The following ABCA13 variants were observed in gnomAD, a reference collection of about 807,000 sequenced individuals.
The protein encoded by ABCA13 is ATP binding cassette subfamily A member 13, also known as ATP-binding cassette sub-family A member 13.
ABCA13 carries 476 observed loss-of-function variants against 478.7 expected under a neutral mutation model. The observed-to-expected ratio is 0.99, with a 90% CI of 0.92 to 1.07. The LOEUF (loss-of-function observed/expected upper bound fraction) is 1.07. ABCA13 is among the 50% of genes least tolerant of loss of function. ABCA13 has a pLI of 0.00. For missense variants in ABCA13, 6,060 were observed against 5,910.6 expected (o/e 1.03, Z -0.83); for synonymous variants, 2,252 against 2,158.9 (o/e 1.04, Z -1.20).
At chr7:48,469,747 C>T (rs138969404) in intron 44 of ABCA13, among the ~76,000 whole-genome samples, 146 of 152,076 alleles carry the variant, frequency 9.6e-4, no homozygotes, top group Middle Eastern at 6.8e-3. Flanking sequence ...GGTGAAACCC[C>T]GTCTCTACTA....
chr7:48,327,417 T>A (rs561579746), intron 27 of ABCA13, among the ~76,000 whole-genome samples: 4 of 152,254 alleles, frequency 2.6e-5, no homozygotes, highest in Non-Finnish European at 4.4e-5. Context: ...GGAAGTACAA[T>A]TCAAGATGAG....
At chr7:48,266,464 AGTT>A (rs1342201888) in intron 15 of ABCA13, among the ~76,000 whole-genome samples, 1 of 151,754 alleles carries the variant, frequency 6.6e-6, no homozygotes, top group Non-Finnish European at 1.5e-5. Flanking sequence ...GGGCCACTCA[AGTT>A]GTTCAATTTA....
intron 7 of ABCA13, among the ~76,000 whole-genome samples, chr7:48,230,885 G>A (rs1788966365): frequency 6.6e-6 from 1 of 152,068 alleles, no homozygotes; most frequent in Non-Finnish European, 1.5e-5. Context: ...TAAACAACGA[G>A]CACTTCCTAT....
At chr7:48,593,166 C>T (rs1250856267) in intron 57 of ABCA13, among the ~76,000 whole-genome samples, 1 of 147,428 alleles carries the variant, frequency 6.8e-6, no homozygotes, top group Non-Finnish European at 1.5e-5. Context: ...TCTATTACTG[C>T]TTTTCTTTTA....
intron 3 of ABCA13, among the ~76,000 whole-genome samples, chr7:48,202,333 C>T (rs980260882): frequency 2.0e-5 from 3 of 152,150 alleles, no homozygotes; most frequent in Non-Finnish European, 2.9e-5. Context: ...ACGTCCCCAT[C>T]AGATTAGTTA....
At chr7:48,574,037 A>T (rs934527951) in intron 55 of ABCA13, among the ~76,000 whole-genome samples, 5 of 151,690 alleles carry the variant, frequency 3.3e-5, no homozygotes, top group African/African-American at 9.7e-5. Flanking sequence ...TTTGGATTTG[A>T]TTTTCTCTGT....
intron 2 of ABCA13, among the ~76,000 whole-genome samples, chr7:48,197,621 T>A (rs988472848): frequency 1.3e-5 from 2 of 151,024 alleles, no homozygotes; most frequent in African/African-American, 2.4e-5. Context: ...GCCATCAGCA[T>A]CCTCACCACT....
chr7:48,505,892 T>A (rs1325772383), intron 48 of ABCA13, among the ~76,000 whole-genome samples: 1 of 152,214 alleles, frequency 6.6e-6, no homozygotes, highest in Non-Finnish European at 1.5e-5. Flanking sequence ...AAACCAAAAT[T>A]GGTTCAGTGA....
intron 57 of ABCA13, among the ~76,000 whole-genome samples, chr7:48,593,699 T>A (rs1789995048): frequency 6.6e-6 from 1 of 151,584 alleles, no homozygotes; most frequent in Non-Finnish European, 1.5e-5. Context: ...ATTGTGTCAA[T>A]GAACTCTTTC....
In ABCA13 at chr7:48,227,292, T is replaced by C. The variant is rs765432200; in HGVS notation, c.499T>C (p.Leu167=). The change falls in exon 6 of 62, where the codon TTG becomes CTG. Residue 167 remains leucine, a synonymous_variant. Coordinates refer to ENST00000435803, the MANE Select transcript of ABCA13 (RefSeq NM_152701.5). The part of the protein sequence containing the change: ...MDLNKTEEVI[L]KLESLHQQPH... Reference sequence around the variant, plus strand: ...TCTCAATAAGACCGAGGAGGTAATATTGAAACTGGAAAGCCTCCATCAGCA... The same window carrying C: ...TCTCAATAAGACCGAGGAGGTAATACTGAAACTGGAAAGCCTCCATCAGCA... 13 of 1,613,724 alleles carry C rather than the reference T, an allele frequency of 8.1e-6. No individual in the cohort carries two copies. Among genetic ancestry groups the C allele is most frequent in the Admixed American group, 1.7e-5 (1 of 59,988 alleles).
intron 47 of ABCA13, among the ~76,000 whole-genome samples, chr7:48,486,630 G>A (rs968570135): frequency 6.6e-6 from 1 of 152,008 alleles, no homozygotes; most frequent in African/African-American, 2.4e-5. Context: ...CACTATATTG[G>A]TACTCTATTG....
rs368334771 is a variant in ABCA13, at chr7:48,310,032, A to C, written c.9407A>C (p.Glu3136Ala). 1.2e-6 allele frequency: 2 copies of C among 1,613,834 alleles called. No individual in the cohort carries two copies. The highest frequency in any genetic ancestry group is 1.7e-6 in the Non-Finnish European group (2 of 1,179,854). ...CTCCTGCTGACATTTCCCAAAGGGG[A>C]AAAATCTTGGATCGCAGCGGAGGAA... ...LHLLLTFPKG[E>A]KSWIAAEELC... Residue 3136 changes from glutamate (E) to alanine (A), a missense_variant, in exon 24 of 62, where the codon GAA (glutamate) becomes GCA (alanine). By Grantham distance (107) the Glu-to-Ala change is moderately radical. Around this residue, in one of 3 missense-constraint regions of ABCA13, gnomAD observed 4,423 missense variants for 4,309.1 expected, o/e 1.03. Transcript: ENST00000435803.
chr7:48,537,785 C>T (rs886330287), intron 55 of ABCA13, among the ~76,000 whole-genome samples: 1 of 151,966 alleles, frequency 6.6e-6, no homozygotes, highest in Non-Finnish European at 1.5e-5. Context: ...TCAGGAGTGA[C>T]TCAGGATGGA....
At chr7:48,513,412 C>T (rs1432943189) in intron 51 of ABCA13, among the ~76,000 whole-genome samples, 2 of 152,134 alleles carry the variant, frequency 1.3e-5, no homozygotes, top group Non-Finnish European at 2.9e-5. Flanking sequence ...AAGGGAGAGT[C>T]AGGGAGAATT....
Position 48,273,599 on chromosome 7 carries a change from T to C in ABCA13, c.3933T>C (p.Asn1311=). The C allele has an allele frequency of 1.3e-6, 2 of 1,593,574 alleles. No homozygotes were observed. The highest frequency in any genetic ancestry group is 2.3e-5 in the South Asian group (2 of 88,556). The change falls in exon 17 of 62, where the codon AAT becomes AAC. Residue 1311 remains asparagine, a synonymous_variant. Transcript: ENST00000435803. Reference sequence around the variant, plus strand: ...ATTCAATAAATGACTTTCTTTCAAATAATCTCACAAATTATGGAGAAAAAT... The same window carrying C: ...ATTCAATAAATGACTTTCTTTCAAACAATCTCACAAATTATGGAGAAAAAT... ...NLDSINDFLS[N]NLTNYGEKFE...
rs111581517 is a variant in ABCA13, at chr7:48,389,688, G to C, written c.11654+468G>C. 4.9e-3 allele frequency among the ~76,000 whole-genome samples: 753 copies of C among 152,134 alleles called. 8 individuals are homozygous for C. Among genetic ancestry groups the C allele is most frequent in the African/African-American group, 0.017 (707 of 41,500 alleles). On this transcript the variant is annotated intron_variant, in intron 37 of 61. Transcript: ENST00000435803. ...TTTGTGTGGTTCTTTTCTCATTAAG[G>C]GTAGATGTTTGGTTTAGGATTCAAT...
intron 59 of ABCA13, among the ~76,000 whole-genome samples, chr7:48,623,021 C>G (rs1373817187): frequency 6.6e-6 from 1 of 152,180 alleles, no homozygotes; most frequent in Non-Finnish European, 1.5e-5. Flanking sequence ...GTGGAGCTGC[C>G]TTTCAACTGC....
At chr7:48,483,041 G>T (rs779400614) in intron 46 of ABCA13, 35 bp from the exon 47 acceptor site, 1 of 1,561,334 alleles carries the variant, frequency 6.4e-7, no homozygotes, top group South Asian at 1.2e-5. Flanking sequence ...GGTGCTCTGT[G>T]GTTGAAGCAC....
chr7:48,231,879 C>G (rs371468176), intron 7 of ABCA13, among the ~76,000 whole-genome samples: 282 of 152,236 alleles, frequency 1.9e-3, no homozygotes, highest in African/African-American at 6.5e-3. Context: ...CCAGGCTGGT[C>G]TCAAACTCCT....
Sources: allele counts gnomAD v4.1 joint callset (sites outside exome capture counted in the v4.1 genomes callset), GRCh38; gene constraint gnomAD v4.1.1; regional missense constraint gnomAD v4.1.1; transcripts MANE v1.5; gene names NCBI Gene and HGNC (gene_info 2026-07-23, HGNC 2026-07-21).